The following TBC1D5 variants were observed in gnomAD, a reference collection of about 807,000 sequenced individuals.
The protein encoded by TBC1D5 is TBC1 domain family, member 5.
TBC1D5 carries 75 observed loss-of-function variants against 100.3 expected under a neutral mutation model. The ratio of observed to expected loss-of-function variants is 0.75; its 90% CI spans 0.62 to 0.91. TBC1D5 has a LOEUF of 0.91. TBC1D5 is among the 40% of genes least tolerant of loss of function. The probability of loss-of-function intolerance (pLI) is 0.00; values close to 1 mark genes in which losing one functional copy is unlikely to be tolerated. For synonymous variants in TBC1D5, 323 were observed against 325.6 expected, an observed-to-expected ratio of 0.99 and a Z score of 0.09; for missense variants, 910 against 942.4, an observed-to-expected ratio of 0.97 and a Z score of 0.45.
At chr3:17,465,661 T>G (rs1226872523) in intron 3 of TBC1D5, among the ~76,000 whole-genome samples, 2 of 152,232 alleles carry the variant, frequency 1.3e-5, no homozygotes, top group Non-Finnish European at 2.9e-5. Context: ...ATTTATACAC[T>G]TTATAAATGT....
At chr3:17,585,175 GAAA>G (rs1251026832) in intron 2 of TBC1D5, among the ~76,000 whole-genome samples, 3 of 151,998 alleles carry the variant, frequency 2.0e-5, no homozygotes, top group African/African-American at 7.2e-5. Flanking sequence ...TATACATCAG[GAAA>G]AAATGCCTTC....
At chr3:17,385,609 T>G (rs1048935851) in intron 8 of TBC1D5, among the ~76,000 whole-genome samples, 7 of 152,062 alleles carry the variant, frequency 4.6e-5, no homozygotes, top group African/African-American at 1.7e-4. Context: ...TTAAATAAAT[T>G]AAGGTCCATT....
intron 3 of TBC1D5, among the ~76,000 whole-genome samples, chr3:17,472,017 T>C (rs1318217104): frequency 6.6e-6 from 1 of 152,056 alleles, no homozygotes; most frequent in Admixed American, 6.5e-5. Context: ...ACTATAACAG[T>C]TTCAGGAGAT....
intron 1 of TBC1D5, among the ~76,000 whole-genome samples, chr3:17,705,810 G>C (rs2074062686): frequency 6.7e-6 from 1 of 148,448 alleles, no homozygotes; most frequent in Non-Finnish European, 1.5e-5. Flanking sequence ...ACGATGGGCG[G>C]CCAGGCAGAG....
At chr3:17,713,022 T>C (rs2074889833) in intron 1 of TBC1D5, among the ~76,000 whole-genome samples, 1 of 152,144 alleles carries the variant, frequency 6.6e-6, no homozygotes, top group African/African-American at 2.4e-5. Flanking sequence ...TGCAATTAAC[T>C]ACCCCTGACT....
At position 17,604,933 on chromosome 3, in the gene TBC1D5, C is replaced by G. The variant is rs556920968; in HGVS notation, c.-36+18916G>C. ...TCAAGCGATCCACCTGCCTCAGCCTCCCAAAGTGCTGGGATTGCACGTGTG... is the reference window on the plus strand; with the variant it reads ...TCAAGCGATCCACCTGCCTCAGCCTGCCAAAGTGCTGGGATTGCACGTGTG... On this transcript the variant is annotated intron_variant, in intron 2 of 21. Coordinates refer to ENST00000253692, the Ensembl canonical transcript of TBC1D5. 2.6e-5 allele frequency among the ~76,000 whole-genome samples: 4 copies of G among 152,322 alleles called. No homozygotes were observed. In the South Asian group the frequency reaches 6.2e-4, roughly 24 times the overall value.
chr3:17,220,644 T>G (rs2074166359), intron 17 of TBC1D5, among the ~76,000 whole-genome samples: 1 of 152,156 alleles, frequency 6.6e-6, no homozygotes, highest in African/African-American at 2.4e-5. Context: ...ATCTAGGTTT[T>G]TCATTTGTTC....
At chr3:17,705,212 C>A (rs1459821336) in intron 1 of TBC1D5, among the ~76,000 whole-genome samples, 1 of 91,932 alleles carries the variant, frequency 1.1e-5, no homozygotes, top group Non-Finnish European at 2.4e-5. Context: ...CCCCCCACCT[C>A]CCTCCCGGAC....
Position 17,201,106 on chromosome 3 carries a change from C to G in TBC1D5, c.1752+13101G>C, listed in dbSNP as rs146478836. The stretch of plus-strand genomic sequence containing the variant: ...TCCAAATTTTTTTTTATCATCACTG[C>G]CACAAATTAGAAAGGTCCTGATTTT... On this transcript the variant is annotated intron_variant, in intron 18 of 21. Coordinates refer to ENST00000253692, the Ensembl canonical transcript of TBC1D5. Among the ~76,000 whole-genome samples the G allele has an allele frequency of 2.2e-3, 328 of 152,124 alleles. 1 individual carries two copies. The highest frequency in any genetic ancestry group is 7.5e-3 in the African/African-American group (312 of 41,488).
At chr3:17,390,334 G>C (rs1340529672) in intron 8 of TBC1D5, among the ~76,000 whole-genome samples, 1 of 152,046 alleles carries the variant, frequency 6.6e-6, no homozygotes, top group African/African-American at 2.4e-5. Context: ...GACAAATATC[G>C]GGGCTATCTG....
chr3:17,740,746 TC>T (rs2077361068), exon 1 of TBC1D5: 1 of 152,070 alleles, frequency 6.6e-6, no homozygotes, highest in Non-Finnish European at 1.5e-5. Context: ...ACTCAATACT[TC>T]CTCCAATAAA....
intron 3 of TBC1D5, among the ~76,000 whole-genome samples, chr3:17,429,100 A>C (rs949503252): frequency 6.6e-5 from 10 of 152,018 alleles, no homozygotes; most frequent in African/African-American, 1.9e-4. Flanking sequence ...AATTTAAAAC[A>C]TGAAAAAGGA....
Position 17,167,964 on chromosome 3 carries a change from A to G in TBC1D5, c.1853-136T>C, listed in dbSNP as rs1274311952. On this transcript the variant is annotated intron_variant, in intron 19 of 21. Coordinates refer to ENST00000253692, the Ensembl canonical transcript of TBC1D5. Reference sequence around the variant, plus strand: ...ACTACTCCCACAAAAGATGCTCTGCAAACTGCGGATGGGGAAGCTGCAGGG... The same window carrying G: ...ACTACTCCCACAAAAGATGCTCTGCGAACTGCGGATGGGGAAGCTGCAGGG... The G allele has an allele frequency of 1.1e-5, 7 of 649,158 alleles. No individual in the cohort carries two copies. In the South Asian group the frequency reaches 1.4e-4, roughly 13 times the overall value. 40.2% of individuals were successfully genotyped at this position (649,158 alleles called of 1,614,324 possible). A position where few individuals can be genotyped will look rare whatever the true frequency, so the allele number is the denominator to read the frequency against.
intron 19 of TBC1D5, among the ~76,000 whole-genome samples, chr3:17,170,264 G>A (rs555294586): frequency 6.6e-6 from 1 of 152,200 alleles, no homozygotes; most frequent in Non-Finnish European, 1.5e-5. Context: ...GGTGGGCTCA[G>A]GTTTCCCAGC....
At chr3:17,425,928 T>A (rs770476547) in intron 4 of TBC1D5, among the ~76,000 whole-genome samples, 54 of 152,122 alleles carry the variant, frequency 3.5e-4, no homozygotes, top group Non-Finnish European at 7.1e-4. Context: ...AAAACAGTTG[T>A]GGGAAGGAAA....
chr3:17,557,461 T>C (rs1203992290), intron 2 of TBC1D5, among the ~76,000 whole-genome samples: 1 of 152,244 alleles, frequency 6.6e-6, no homozygotes, highest in Non-Finnish European at 1.5e-5. Context: ...CTAACAAGCA[T>C]TAAAATGGAA....
intron 14 of TBC1D5, among the ~76,000 whole-genome samples, chr3:17,306,972 C>A (rs547169291): frequency 2.9e-4 from 44 of 152,090 alleles, no homozygotes; most frequent in Admixed American, 5.2e-4. Context: ...AACTATTTGA[C>A]CTTCGAGGCA....
At chr3:17,591,699 T>C (rs2060238676) in intron 2 of TBC1D5, among the ~76,000 whole-genome samples, 1 of 152,146 alleles carries the variant, frequency 6.6e-6, no homozygotes. Flanking sequence ...TTGGCATAGG[T>C]AAACTTAGCA....
chr3:17,220,877 T>C (rs1164131953), intron 17 of TBC1D5, among the ~76,000 whole-genome samples: 1 of 152,176 alleles, frequency 6.6e-6, no homozygotes, highest in Non-Finnish European at 1.5e-5. Flanking sequence ...CAAGGCTTTT[T>C]GACAAAATGA....
Sources: allele counts gnomAD v4.1 joint callset (sites outside exome capture counted in the v4.1 genomes callset), GRCh38; gene constraint gnomAD v4.1.1; transcripts MANE v1.5; gene names NCBI Gene and HGNC (gene_info 2026-07-23, HGNC 2026-07-21).